Variants in BICC1 observed in about 807,000 individuals in gnomAD.
BICC1 encodes BicC family RNA binding protein 1.
A neutral mutation model predicts 111.0 loss-of-function variants in BICC1; 43 were observed. The observed-to-expected ratio is 0.39, with a 90% CI of 0.30 to 0.50. The LOEUF is 0.50. Ranked by LOEUF, BICC1 falls within the 20% of genes least tolerant of loss-of-function variation. The pLI, the probability that BICC1 is intolerant of heterozygous loss-of-function variation, is 0.88. For synonymous variants in BICC1, 467 were observed against 434.4 expected, an observed-to-expected ratio of 1.07 and a Z score of -0.93; for missense variants, 1,091 against 1,203.2, an observed-to-expected ratio of 0.91 and a Z score of 1.38.
At chr10:58,664,892 G>T (rs1276998719) in intron 2 of BICC1, among the ~76,000 whole-genome samples, 1 of 152,114 alleles carries the variant, frequency 6.6e-6, no homozygotes, top group Admixed American at 6.5e-5. Context: ...TTTTGCTGTT[G>T]CTGTAGTTAC....
At chr10:58,635,823 A>G (rs958381802) in intron 2 of BICC1, among the ~76,000 whole-genome samples, 15 of 152,172 alleles carry the variant, frequency 9.9e-5, no homozygotes, top group Admixed American at 9.2e-4. Flanking sequence ...ATCCCCAACT[A>G]GAACGTCTTT....
intron 3 of BICC1, among the ~76,000 whole-genome samples, chr10:58,730,688 G>A (rs1215310539): frequency 6.6e-6 from 1 of 151,954 alleles, no homozygotes; most frequent in Non-Finnish European, 1.5e-5. Context: ...TTCTTTCTGT[G>A]TCCCTGTGAT....
intron 3 of BICC1, among the ~76,000 whole-genome samples, chr10:58,710,255 T>C (rs189744664): frequency 6.6e-6 from 1 of 152,318 alleles, no homozygotes; most frequent in East Asian, 1.9e-4. Flanking sequence ...AATTCAGGTC[T>C]GTTTGTTTCC....
intron 1 of BICC1, among the ~76,000 whole-genome samples, chr10:58,610,468 C>G (rs528665495): frequency 6.6e-6 from 1 of 152,252 alleles, no homozygotes; most frequent in South Asian, 2.1e-4. Flanking sequence ...TCCCCCTAAC[C>G]TCCATCATAA....
At chr10:58,727,384 C>T (rs772241679) in intron 3 of BICC1, among the ~76,000 whole-genome samples, 40 of 151,880 alleles carry the variant, frequency 2.6e-4, no homozygotes, top group Non-Finnish European at 4.9e-4. Flanking sequence ...CCCAGGAGTT[C>T]GAGACCAGCC....
At chr10:58,593,037 C>G (rs1486939351) in intron 1 of BICC1, among the ~76,000 whole-genome samples, 1 of 152,012 alleles carries the variant, frequency 6.6e-6, no homozygotes, top group Non-Finnish European at 1.5e-5. Context: ...GACGTTCGAG[C>G]TTGGTGTGGG....
intron 1 of BICC1, among the ~76,000 whole-genome samples, chr10:58,544,010 A>T (rs947786898): frequency 2.6e-5 from 4 of 152,040 alleles, no homozygotes; most frequent in Non-Finnish European, 5.9e-5. Flanking sequence ...ATAACTGGTT[A>T]CCTTTGTTAC....
chr10:58,772,128 G>A (rs988741866), intron 3 of BICC1, among the ~76,000 whole-genome samples: 5 of 152,180 alleles, frequency 3.3e-5, no homozygotes, highest in Non-Finnish European at 5.9e-5. Context: ...GTAAAAGACA[G>A]ATAGAACTTC....
At chr10:58,776,579 G>T (rs1158406827) in intron 3 of BICC1, among the ~76,000 whole-genome samples, 1 of 152,150 alleles carries the variant, frequency 6.6e-6, no homozygotes, top group Non-Finnish European at 1.5e-5. Context: ...CATTGCCATT[G>T]CAGAGGGCTG....
rs1468276070 is a variant in BICC1 at position 58,800,322 on chromosome 10, T to C, written c.1854T>C (p.Thr618=). The C allele has an allele frequency of 6.2e-7, 1 of 1,613,440 alleles. No homozygotes were observed. The change falls in exon 13 of 21, where the codon ACT becomes ACC. Residue 618 remains threonine, a synonymous_variant. Coordinates refer to ENST00000373886, the MANE Select transcript of BICC1 (RefSeq NM_001080512.3). ...AGACATCTCCCAAATCAAGCCCCACTGAAGGTCGGGAACTGTACCCTTCTG... is the reference window on the plus strand; with the variant it reads ...AGACATCTCCCAAATCAAGCCCCACCGAAGGTCGGGAACTGTACCCTTCTG... ...SEQTSPKSSP[T]EGCNDAFVEV... is the part of the protein sequence containing the mutation.
intron 3 of BICC1, among the ~76,000 whole-genome samples, chr10:58,744,375 A>G (rs1221976964): frequency 6.6e-6 from 1 of 152,030 alleles, no homozygotes; most frequent in Non-Finnish European, 1.5e-5. Flanking sequence ...CCAAAGAAAA[A>G]TTTTATTGTT....
chr10:58,718,433 T>A (rs1425019520), intron 3 of BICC1, among the ~76,000 whole-genome samples: 1 of 152,238 alleles, frequency 6.6e-6, no homozygotes, highest in Non-Finnish European at 1.5e-5. Flanking sequence ...AACATAGGAA[T>A]TTTGTGGGCA....
At chr10:58,656,951 A>G (rs1838675255) in intron 2 of BICC1, among the ~76,000 whole-genome samples, 1 of 152,144 alleles carries the variant, frequency 6.6e-6, no homozygotes, top group Admixed American at 6.6e-5. Context: ...CACTGGTTGG[A>G]CATCTATTAG....
chr10:58,618,857 A>G (rs1845706481), intron 1 of BICC1, among the ~76,000 whole-genome samples: 1 of 152,222 alleles, frequency 6.6e-6, no homozygotes, highest in African/African-American at 2.4e-5. Context: ...GCAAGGTGTT[A>G]GCAGAGCTGT....
chr10:58,822,258 G>A (rs1844272593), intron 20 of BICC1, among the ~76,000 whole-genome samples: 2 of 152,070 alleles, frequency 1.3e-5, no homozygotes, highest in South Asian at 4.1e-4. Flanking sequence ...TGGAATAGCA[G>A]TGAGGATATA....
intron 2 of BICC1, among the ~76,000 whole-genome samples, chr10:58,681,215 G>C (rs542827422): frequency 2.6e-5 from 4 of 152,104 alleles, no homozygotes; most frequent in South Asian, 2.1e-4. Flanking sequence ...AGCAACTGTC[G>C]TCAGAGTGAA....
chr10:58,518,023 G>A (rs930149969), intron 1 of BICC1, among the ~76,000 whole-genome samples: 8 of 152,136 alleles, frequency 5.3e-5, no homozygotes, highest in Non-Finnish European at 5.9e-5. Flanking sequence ...AGCTTGCCAT[G>A]TGTTGAGTAT....
chr10:58,659,637 T>C (rs574248620), intron 2 of BICC1, among the ~76,000 whole-genome samples: 1 of 152,222 alleles, frequency 6.6e-6, no homozygotes, highest in East Asian at 1.9e-4. Context: ...GTGGTGAACT[T>C]ACTGGTACAC....
chr10:58,570,528 A>G (rs1843915466), intron 1 of BICC1, among the ~76,000 whole-genome samples: 1 of 152,116 alleles, frequency 6.6e-6, no homozygotes, highest in Non-Finnish European at 1.5e-5. Flanking sequence ...GGTGAAGTGA[A>G]ACTATTCATA....
Sources: allele counts gnomAD v4.1 joint callset (sites outside exome capture counted in the v4.1 genomes callset), GRCh38; gene constraint gnomAD v4.1.1; transcripts MANE v1.5; gene names NCBI Gene and HGNC (gene_info 2026-07-23, HGNC 2026-07-21).